The following DTNBP1 variants were observed in gnomAD, a reference collection of about 807,000 sequenced individuals.
DTNBP1 encodes dysbindin.
In DTNBP1, 35 loss-of-function variants were observed where a neutral mutation model predicts 42.8. That is an observed-to-expected ratio of 0.82 (90% CI 0.63 to 1.09). The LOEUF (loss-of-function observed/expected upper bound fraction) is 1.09. Among genes scored for constraint, DTNBP1 ranks in the 50% least tolerant of loss-of-function variants. The pLI is 0.00. For synonymous variants in DTNBP1, 171 were observed against 162.2 expected (o/e 1.05, Z -0.41); for missense variants, 457 against 424.2 (o/e 1.08, Z -0.68).
intron 7 of DTNBP1, among the ~76,000 whole-genome samples, chr6:15,534,767 A>G (rs1316000749): frequency 1.3e-5 from 2 of 152,124 alleles, no homozygotes; most frequent in Non-Finnish European, 2.9e-5. Context: ...CTGACCACAC[A>G]ACCTAATCAG....
intron 7 of DTNBP1, among the ~76,000 whole-genome samples, chr6:15,583,477 T>A (rs1775925350): frequency 6.6e-6 from 1 of 152,150 alleles, no homozygotes; most frequent in Admixed American, 6.5e-5. Context: ...AACAGTTTAA[T>A]CAGCAGAGCT....
At chr6:15,572,785 G>A (rs1454837813) in intron 7 of DTNBP1, among the ~76,000 whole-genome samples, 1 of 152,028 alleles carries the variant, frequency 6.6e-6, no homozygotes, top group Non-Finnish European at 1.5e-5. Context: ...AGGCTGGAGG[G>A]CAGTGATGTG....
At chr6:15,532,372 A>T (rs1772904404) in intron 8 of DTNBP1, among the ~76,000 whole-genome samples, 1 of 152,218 alleles carries the variant, frequency 6.6e-6, no homozygotes, top group African/African-American at 2.4e-5. Flanking sequence ...GAAAGATTTT[A>T]AATGTTCAGC....
intron 7 of DTNBP1, among the ~76,000 whole-genome samples, chr6:15,549,376 T>C (rs1774074875): frequency 6.6e-6 from 1 of 150,432 alleles, no homozygotes; most frequent in African/African-American, 2.5e-5. Context: ...TCCCAGCTAG[T>C]CGGGAGGCCG....
intron 4 of DTNBP1, 62 bp downstream of exon 4, chr6:15,637,682 A>G (rs1760108892): frequency 1.3e-6 from 2 of 1,531,372 alleles, no homozygotes; most frequent in East Asian, 4.5e-5. Flanking sequence ...ATTTTTAAAA[A>G]ATACCATTTA....
At chr6:15,589,677 T>C (rs1034640871) in intron 7 of DTNBP1, among the ~76,000 whole-genome samples, 3 of 152,176 alleles carry the variant, frequency 2.0e-5, no homozygotes, top group African/African-American at 7.2e-5. Flanking sequence ...CCATGTCAAC[T>C]TTTCCCTATA....
intron 7 of DTNBP1, chr6:15,579,883 A>C: frequency 4.4e-6 from 2 of 455,576 alleles, no homozygotes; most frequent in Non-Finnish European, 8.8e-6. Context: ...TAGATATGCT[A>C]ATTATCCTGA....
At chr6:15,555,796 C>T in intron 7 of DTNBP1, among the ~76,000 whole-genome samples, 1 of 152,218 alleles carries the variant, frequency 6.6e-6, no homozygotes, top group Non-Finnish European at 1.5e-5. Flanking sequence ...CTTGGGGCTG[C>T]TCTATGGAGT....
rs56173414 is a variant in DTNBP1 at position 15,553,594 on chromosome 6, C to CTTTT, written c.512-20203_512-20200dup. On this transcript the variant is annotated intron_variant, in intron 7 of 9. Coordinates refer to ENST00000344537, the MANE Select transcript of DTNBP1 (RefSeq NM_032122.5). ...CAGTTCAATGCTCTTGACAAGTGAG[C>CTTTT]TTTTTTTTTTTTGGCCTCAGACAGC... Among the ~76,000 whole-genome samples the CTTTT allele has an allele frequency of 1.5e-4, 11 of 72,966 alleles. 2 individuals carry two copies. In the East Asian group the frequency reaches 4.0e-3, roughly 26 times the overall value. 47.9% of individuals were successfully genotyped at this position (72,966 alleles called of 152,430 possible).
intron 4 of DTNBP1, among the ~76,000 whole-genome samples, chr6:15,634,690 A>G (rs1050727485): frequency 2.6e-5 from 4 of 152,156 alleles, no homozygotes; most frequent in African/African-American, 9.7e-5. Context: ...AAGTGAGGTT[A>G]ATCAATATCA....
At chr6:15,592,512 A>T (rs1776341446) in intron 7 of DTNBP1, among the ~76,000 whole-genome samples, 1 of 152,208 alleles carries the variant, frequency 6.6e-6, no homozygotes, top group Non-Finnish European at 1.5e-5. Flanking sequence ...TCCTTCAGGC[A>T]TTCCCTAAAA....
intron 6 of DTNBP1, among the ~76,000 whole-genome samples, chr6:15,599,350 T>G (rs1157037947): frequency 1.3e-5 from 2 of 152,080 alleles, no homozygotes; most frequent in African/African-American, 4.8e-5. Flanking sequence ...ACTTAATACA[T>G]GAGGAAAATG....
At chr6:15,647,303 C>T (rs1760745708) in intron 3 of DTNBP1, among the ~76,000 whole-genome samples, 1 of 151,860 alleles carries the variant, frequency 6.6e-6, no homozygotes, top group South Asian at 2.1e-4. Context: ...GAGATACATA[C>T]AATCTCATGC....
intron 3 of DTNBP1, among the ~76,000 whole-genome samples, chr6:15,647,651 G>A (rs1372654345): frequency 1.3e-5 from 2 of 151,120 alleles, no homozygotes; most frequent in African/African-American, 4.9e-5. Context: ...TTATGAGAGA[G>A]TGCTATGAAC....
At chr6:15,620,935 T>C (rs1310333264) in intron 5 of DTNBP1, among the ~76,000 whole-genome samples, 6 of 152,188 alleles carry the variant, frequency 3.9e-5, no homozygotes, top group Non-Finnish European at 4.4e-5. Flanking sequence ...AACTTAATAC[T>C]TGACAGTAAA....
intron 3 of DTNBP1, 147 bp downstream of exon 3, chr6:15,651,166 A>G (rs185624143): frequency 2.6e-6 from 2 of 779,158 alleles, no homozygotes; most frequent in Non-Finnish European, 4.4e-6. Context: ...GAAAGCCCTC[A>G]AGGAAAATAA....
At chr6:15,648,851 C>T (rs928568759) in intron 3 of DTNBP1, among the ~76,000 whole-genome samples, 2 of 152,028 alleles carry the variant, frequency 1.3e-5, no homozygotes, top group African/African-American at 4.8e-5. Flanking sequence ...ACCCCAATGA[C>T]ATTCTTTGCA....
intron 5 of DTNBP1, among the ~76,000 whole-genome samples, chr6:15,621,616 C>A (rs1016459920): frequency 6.6e-6 from 1 of 152,182 alleles, no homozygotes; most frequent in Non-Finnish European, 1.5e-5. Context: ...AGTCCGTGGT[C>A]ATTTTACTGC....
In DTNBP1 at chr6:15,627,363, TC is replaced by T. The variant is rs1759407788; in HGVS notation, c.334del (p.Glu112AsnfsTer3). ...CTTACTCAGATTTGCTGTCATGGAT[TC>T]TAAGTCTGCGATTAAAGCTGGGAGC... ...QQLPALIADL[E>X]SMTANLTHLE... On this transcript the variant is annotated frameshift_variant, in exon 5 of 10. Coordinates refer to ENST00000344537, the MANE Select transcript of DTNBP1 (RefSeq NM_032122.5). LOFTEE classifies it high-confidence loss of function. The T allele has an allele frequency of 6.2e-7, 1 of 1,613,668 alleles. No homozygotes were observed. The highest frequency in any genetic ancestry group is 8.5e-7 in the Non-Finnish European group (1 of 1,179,934).
Sources: allele counts gnomAD v4.1 joint callset (sites outside exome capture counted in the v4.1 genomes callset), GRCh38; gene constraint gnomAD v4.1.1; transcripts MANE v1.5; gene names NCBI Gene and HGNC (gene_info 2026-07-23, HGNC 2026-07-21).